Variants in ADGRL3 observed in about 807,000 individuals in gnomAD.
ADGRL3 encodes the protein adhesion G protein-coupled receptor L3, also known as calcium-independent alpha-latrotoxin receptor 3.
In ADGRL3, 62 loss-of-function variants were observed where a neutral mutation model predicts 153.5. The observed-to-expected ratio is 0.40, with a 90% CI of 0.33 to 0.50. The LOEUF is 0.50. Ranked by LOEUF, ADGRL3 falls within the 20% of genes least tolerant of loss-of-function variation. The probability of loss-of-function intolerance (pLI) is 0.47; values close to 1 mark genes in which losing one functional copy is unlikely to be tolerated. For synonymous variants in ADGRL3, 710 were observed against 672.5 expected (o/e 1.06, Z -0.86); for missense variants, 1,641 against 1,859.4 (o/e 0.88, Z 2.16).
chr4:62,001,893 C>T (rs916453552), intron 21 of ADGRL3, among the ~76,000 whole-genome samples: 6 of 152,102 alleles, frequency 3.9e-5, no homozygotes, highest in East Asian at 1.9e-4. Context: ...AAAATCACCA[C>T]GTAAAGCCCT....
chr4:61,986,917 T>A (rs1415692305), intron 19 of ADGRL3, among the ~76,000 whole-genome samples: 1 of 152,114 alleles, frequency 6.6e-6, no homozygotes, highest in East Asian at 1.9e-4. Flanking sequence ...GAACCAGTAC[T>A]GAGCCATGGT....
At chr4:61,307,660 T>G (rs2094843756) in intron 1 of ADGRL3, among the ~76,000 whole-genome samples, 1 of 152,174 alleles carries the variant, frequency 6.6e-6, no homozygotes. Flanking sequence ...ATATGGATGT[T>G]TCAAAAAGTA....
chr4:61,420,438 A>G (rs1287421519), intron 2 of ADGRL3: 4 of 109,918 alleles, frequency 3.6e-5, no homozygotes, highest in African/African-American at 7.3e-5. Flanking sequence ...GCGGAGTCTC[A>G]CTCCGTAGCC....
chr4:61,869,873 G>A (rs1274506004), intron 9 of ADGRL3, among the ~76,000 whole-genome samples: 4 of 144,098 alleles, frequency 2.8e-5, no homozygotes, highest in Non-Finnish European at 4.5e-5. Flanking sequence ...AGGAGGCGGA[G>A]GTTGTGGTGA....
rs561416087 is a variant in ADGRL3 at position 61,497,230 on chromosome 4, A to G, written c.-64A>G. 2.2e-6 allele frequency: 2 copies of G among 901,308 alleles called. No homozygotes were observed. Among genetic ancestry groups the G allele is most frequent in the African/African-American group, 3.4e-5 (2 of 58,490 alleles). The allele number at this position is 901,308 out of a possible 1,614,324, so 55.8% of individuals were successfully genotyped here. ...AATACAGAAGAGAAACTAGAAATAT[A>G]CGTATTTTGTTTCACATTTGAACAG... On this transcript the variant is annotated 5_prime_UTR_variant, in exon 3 of 27. The change creates a new upstream start codon in the 5' untranslated region. Transcript: ENST00000683033.
intron 1 of ADGRL3, among the ~76,000 whole-genome samples, chr4:61,264,680 C>T (rs533331647): frequency 4.0e-4 from 61 of 151,998 alleles, no homozygotes; most frequent in Admixed American, 1.6e-3. Context: ...CTCTATCAAA[C>T]GTGCCCTTTA....
intron 1 of ADGRL3, among the ~76,000 whole-genome samples, chr4:61,365,579 G>T (rs73216338): frequency 0.048 from 7,321 of 152,332 alleles, 551 homozygotes; most frequent in African/African-American, 0.16. Flanking sequence ...CTCATCTTCA[G>T]TATCTGCTGA....
intron 2 of ADGRL3, among the ~76,000 whole-genome samples, chr4:61,405,067 C>T (rs1459028398): frequency 1.3e-5 from 2 of 151,930 alleles, no homozygotes; most frequent in Admixed American, 1.3e-4. Flanking sequence ...TCTCAGAAAG[C>T]CTTCATAGTA....
chr4:61,363,946 TTA>T (rs1370868876), intron 1 of ADGRL3, among the ~76,000 whole-genome samples: 1 of 152,110 alleles, frequency 6.6e-6, no homozygotes, highest in African/African-American at 2.4e-5. Context: ...CATATATATT[TTA>T]TATGTCATAT....
intron 2 of ADGRL3, among the ~76,000 whole-genome samples, chr4:61,471,913 A>G (rs1171633014): frequency 2.6e-5 from 4 of 152,050 alleles, no homozygotes; most frequent in Non-Finnish European, 5.9e-5. Context: ...TAAGAAATAC[A>G]GTATAATATA....
Position 61,414,307 on chromosome 4 carries a change from A to G in ADGRL3, c.-174+31118A>G, listed in dbSNP as rs540134533. On this transcript the variant is annotated intron_variant, in intron 2 of 26. Coordinates refer to ENST00000683033, the MANE Select transcript of ADGRL3 (RefSeq NM_001387552.1). ...AGTTTCATAAACTTTTCAGTAAGCA[A>G]TGCTTCTCAAACGTAAGATACATTG... 4.6e-5 allele frequency among the ~76,000 whole-genome samples: 7 copies of G among 152,286 alleles called. No individual in the cohort carries two copies. The East Asian group carries it at 7.7e-4, about 17-fold the overall frequency.
chr4:61,289,586 G>A (rs1394558445), intron 1 of ADGRL3, among the ~76,000 whole-genome samples: 1 of 151,864 alleles, frequency 6.6e-6, no homozygotes, highest in Non-Finnish European at 1.5e-5. Context: ...TAAGGTAATT[G>A]TTTTTTTCTC....
At chr4:61,736,777 GAAC>G (rs1176820608) in intron 8 of ADGRL3, among the ~76,000 whole-genome samples, 1 of 152,142 alleles carries the variant, frequency 6.6e-6, no homozygotes, top group Non-Finnish European at 1.5e-5. Context: ...CATTCCTTTT[GAAC>G]AACGACAATT....
intron 4 of ADGRL3, among the ~76,000 whole-genome samples, chr4:61,551,322 GAC>G (rs1361446996): frequency 2.0e-5 from 3 of 152,110 alleles, no homozygotes; most frequent in African/African-American, 4.8e-5. Context: ...AAAAAGAAAT[GAC>G]ACATATCAAG....
intron 1 of ADGRL3, among the ~76,000 whole-genome samples, chr4:61,351,920 C>T (rs1384361325): frequency 6.6e-6 from 1 of 152,130 alleles, no homozygotes. Context: ...GCAGTAATTT[C>T]AATTTCCAAA....
intron 3 of ADGRL3, among the ~76,000 whole-genome samples, chr4:61,510,489 A>G (rs2098457634): frequency 6.6e-6 from 1 of 152,136 alleles, no homozygotes; most frequent in South Asian, 2.1e-4. Context: ...CCAGCCAGTT[A>G]TCCTAACACC....
intron 21 of ADGRL3, among the ~76,000 whole-genome samples, chr4:62,016,000 T>A (rs1341092650): frequency 6.6e-6 from 1 of 151,922 alleles, no homozygotes; most frequent in East Asian, 1.9e-4. Flanking sequence ...AATTTAAAAT[T>A]TTATTTTTCC....
At chr4:61,482,033 G>T (rs1278112035) in intron 2 of ADGRL3, among the ~76,000 whole-genome samples, 1 of 152,020 alleles carries the variant, frequency 6.6e-6, no homozygotes, top group Non-Finnish European at 1.5e-5. Flanking sequence ...AAAGAAAGAA[G>T]AAAATAATTT....
chr4:61,756,051 C>T (rs1397362102), intron 8 of ADGRL3, among the ~76,000 whole-genome samples: 6 of 151,934 alleles, frequency 3.9e-5, no homozygotes, highest in Admixed American at 6.6e-5. Context: ...AGTCAGGTAG[C>T]GTGATGCCTC....
Sources: gnomAD v4.1 joint callset for allele counts (sites outside exome capture counted in the v4.1 genomes callset) on GRCh38, gnomAD v4.1.1 for gene constraint, MANE v1.5 for transcripts, NCBI Gene and HGNC (gene_info 2026-07-23, HGNC 2026-07-21) for gene names.